Variants in SBF2 observed in about 807,000 individuals in gnomAD.
SBF2 encodes SET binding factor 2, also known as myotubularin-related protein 13.
A neutral mutation model predicts 225.2 loss-of-function variants in SBF2; 112 were observed. That is an observed-to-expected ratio of 0.50 (90% CI 0.43 to 0.58). The LOEUF (loss-of-function observed/expected upper bound fraction) is 0.58, where lower values mean the gene tolerates loss of function less well. Ranked by LOEUF, SBF2 falls within the 20% of genes least tolerant of loss-of-function variation. The pLI is 0.00. For missense variants in SBF2, 1,996 were observed against 2,206.2 expected (o/e 0.90, Z 1.91); for synonymous variants, 763 against 773.3 (o/e 0.99, Z 0.22).
chr11:10,240,616 T>C (rs936177885), intron 1 of SBF2, among the ~76,000 whole-genome samples: 1 of 152,252 alleles, frequency 6.6e-6, no homozygotes, highest in Admixed American at 6.5e-5. Flanking sequence ...AAAATATAAT[T>C]GCAACTGGTT....
At chr11:9,958,519 C>T (rs370334451) in intron 16 of SBF2, 1 of 159,984 alleles carries the variant, frequency 6.3e-6, no homozygotes, top group African/African-American at 2.4e-5. Flanking sequence ...CCACCTCGCC[C>T]GGCTAATTTT....
intron 1 of SBF2, among the ~76,000 whole-genome samples, chr11:10,290,046 C>G (rs1354814058): frequency 2.0e-5 from 3 of 152,194 alleles, no homozygotes; most frequent in Non-Finnish European, 2.9e-5. Context: ...ATCAACATGA[C>G]AAAAGAAGAA....
At chr11:9,920,838 G>A (rs1279335994) in intron 16 of SBF2, among the ~76,000 whole-genome samples, 1 of 152,074 alleles carries the variant, frequency 6.6e-6, no homozygotes, top group Non-Finnish European at 1.5e-5. Flanking sequence ...AGCATGACAT[G>A]GAGAGAGACC....
At chr11:10,206,002 C>G (rs1957739631) in intron 1 of SBF2, among the ~76,000 whole-genome samples, 1 of 151,936 alleles carries the variant, frequency 6.6e-6, no homozygotes, top group Non-Finnish European at 1.5e-5. Flanking sequence ...CTGTAACAAG[C>G]AGTCTGGCCC....
intron 17 of SBF2, among the ~76,000 whole-genome samples, chr11:9,865,627 G>T (rs930367646): frequency 7.1e-6 from 1 of 140,232 alleles, no homozygotes; most frequent in Admixed American, 7.8e-5. Context: ...GGAGGCGGAG[G>T]TTGCAGTGAG....
In SBF2 at chr11:10,072,606, C is replaced by T. The variant is rs188673245; in HGVS notation, c.142-29625G>A. Among the ~76,000 whole-genome samples, 574 of 151,422 alleles carry T rather than the reference C, an allele frequency of 3.8e-3. 3 individuals carry two copies. Among genetic ancestry groups the T allele is most frequent in the Middle Eastern group, 0.027 (8 of 294 alleles). On this transcript the variant is annotated intron_variant, in intron 2 of 39. Coordinates refer to ENST00000256190, the MANE Select transcript of SBF2 (RefSeq NM_030962.4). ...CTTTTCCTTTCTTGTAAATTATAAACGTTGGAATTTTACTAATTTCCTGGA... is the reference window on the plus strand; with the variant it reads ...CTTTTCCTTTCTTGTAAATTATAAATGTTGGAATTTTACTAATTTCCTGGA...
upstream of SBF2, among the ~76,000 whole-genome samples, chr11:10,295,836 T>C (rs547079755): frequency 2.0e-3 from 306 of 152,284 alleles, no homozygotes; most frequent in South Asian, 5.2e-3. Flanking sequence ...CTTCATATGA[T>C]AGATTTTTAA....
chr11:9,822,258 CTTTT>C (rs1210806960), intron 28 of SBF2, among the ~76,000 whole-genome samples: 1 of 129,416 alleles, frequency 7.7e-6, no homozygotes, highest in Non-Finnish European at 1.7e-5. Context: ...TAACTAAACT[CTTTT>C]TTTTTTTTTT....
intron 29 of SBF2, among the ~76,000 whole-genome samples, chr11:9,813,343 T>A (rs752529811): frequency 9.9e-5 from 15 of 152,228 alleles, no homozygotes; most frequent in Non-Finnish European, 1.5e-4. Flanking sequence ...TTTTTGTTTT[T>A]TTGGGATGGA....
chr11:9,847,806 T>C (rs1463743823), intron 22 of SBF2, among the ~76,000 whole-genome samples: 1 of 152,118 alleles, frequency 6.6e-6, no homozygotes, highest in African/African-American at 2.4e-5. Context: ...TTGAAGAGCT[T>C]CCAATTTCCC....
intron 1 of SBF2, among the ~76,000 whole-genome samples, chr11:10,270,258 CCA>C (rs1491353486): frequency 6.6e-6 from 1 of 152,036 alleles, no homozygotes; most frequent in African/African-American, 2.4e-5. Flanking sequence ...TTATGACTCC[CCA>C]AAAAACTTTA....
At chr11:9,966,532 T>C (rs1407527425) in intron 14 of SBF2, among the ~76,000 whole-genome samples, 1 of 151,724 alleles carries the variant, frequency 6.6e-6, no homozygotes, top group East Asian at 1.9e-4. Context: ...AACTGAAAAA[T>C]AGGGAATTCT....
At chr11:9,947,613 G>A (rs1004750919) in intron 16 of SBF2, among the ~76,000 whole-genome samples, 3 of 152,104 alleles carry the variant, frequency 2.0e-5, no homozygotes, top group African/African-American at 4.8e-5. Flanking sequence ...GAAGTGAAGC[G>A]GCATCTATGC....
chr11:9,799,086 C>T (rs380806), intron 32 of SBF2, among the ~76,000 whole-genome samples: 132,849 of 152,232 alleles, frequency 0.87, 58,190 homozygotes, highest in Non-Finnish European at 0.89. Context: ...ATGATTCTGA[C>T]ATTTAATCTA....
chr11:10,267,435 G>GA (rs1322436940), intron 1 of SBF2, among the ~76,000 whole-genome samples: 9 of 150,950 alleles, frequency 6.0e-5, no homozygotes, highest in Non-Finnish European at 8.9e-5. Flanking sequence ...GAAAACAGAG[G>GA]AAAAAAAAGA....
At chr11:10,185,829 A>G (rs1956914508) in intron 2 of SBF2, among the ~76,000 whole-genome samples, 1 of 152,090 alleles carries the variant, frequency 6.6e-6, no homozygotes, top group Non-Finnish European at 1.5e-5. Context: ...ATGGTCATTT[A>G]GATAGTTTCC....
intron 6 of SBF2, among the ~76,000 whole-genome samples, chr11:10,014,119 C>T (rs1329966351): frequency 1.3e-5 from 2 of 152,086 alleles, no homozygotes; most frequent in Non-Finnish European, 2.9e-5. Flanking sequence ...TCCTAAGAGT[C>T]CTGGTTCTCT....
chr11:9,900,506 C>G (rs572005758), intron 16 of SBF2, among the ~76,000 whole-genome samples: 39 of 152,222 alleles, frequency 2.6e-4, no homozygotes, highest in African/African-American at 8.9e-4. Context: ...TTAGCCTGTG[C>G]GGTCTAACCC....
chr11:10,178,174 C>T (rs1396707088), intron 2 of SBF2, among the ~76,000 whole-genome samples: 6 of 147,112 alleles, frequency 4.1e-5, no homozygotes, highest in Non-Finnish European at 9.0e-5. Flanking sequence ...CTTCCTTACA[C>T]CTTATACAAA....
Sources: allele counts gnomAD v4.1 joint callset (sites outside exome capture counted in the v4.1 genomes callset), GRCh38; gene constraint gnomAD v4.1.1; transcripts MANE v1.5; gene names NCBI Gene and HGNC (gene_info 2026-07-23, HGNC 2026-07-21).